Variants in MAN1C1 observed in about 807,000 individuals in gnomAD.
The protein encoded by MAN1C1 is mannosidase alpha class 1C member 1.
MAN1C1 carries 49 observed loss-of-function variants against 71.5 expected under a neutral mutation model. The ratio of observed to expected loss-of-function variants is 0.69; its 90% confidence interval spans 0.54 to 0.87. The LOEUF is 0.87. MAN1C1 is among the 40% of genes least tolerant of loss of function. The probability of loss-of-function intolerance (pLI) is 0.00; values close to 1 mark genes in which losing one functional copy is unlikely to be tolerated. For synonymous variants in MAN1C1, 352 were observed against 343.7 expected, an observed-to-expected ratio of 1.02 and a Z score of -0.27; for missense variants, 743 against 835.0, an observed-to-expected ratio of 0.89 and a Z score of 1.36.
chr1:25,781,413 AGCACCACGCAG>A (rs200524555), intron 10 of MAN1C1, among the ~76,000 whole-genome samples: 3,019 of 152,126 alleles, frequency 0.02, 40 homozygotes, highest in Non-Finnish European at 0.034. Context: ...AGCTGCCTAG[AGCACCACGCAG>A]GCACCACGCG....
chr1:25,628,985 C>T (rs1340799364), intron 1 of MAN1C1, among the ~76,000 whole-genome samples: 8 of 152,140 alleles, frequency 5.3e-5, no homozygotes, highest in Non-Finnish European at 1.5e-5. Flanking sequence ...TTTCTTTATC[C>T]ACTCGTTGGC....
intron 1 of MAN1C1, among the ~76,000 whole-genome samples, chr1:25,627,331 G>A (rs746773664): frequency 1.5e-4 from 23 of 152,096 alleles, no homozygotes; most frequent in Admixed American, 4.6e-4. Flanking sequence ...GCCCAGGCTG[G>A]AGTGCGGTGG....
intron 2 of MAN1C1, among the ~76,000 whole-genome samples, chr1:25,705,445 G>C (rs558818896): frequency 6.6e-6 from 1 of 152,358 alleles, no homozygotes; most frequent in South Asian, 2.1e-4. Context: ...TGGATGGACT[G>C]TTGTTATATA....
intron 2 of MAN1C1, among the ~76,000 whole-genome samples, chr1:25,736,233 C>T (rs1163913891): frequency 6.6e-6 from 1 of 152,164 alleles, no homozygotes; most frequent in African/African-American, 2.4e-5. Context: ...CTGACTTCCC[C>T]ATGGCTCACA....
intron 2 of MAN1C1, among the ~76,000 whole-genome samples, chr1:25,715,982 GTCCAAAAT>G (rs752186090): frequency 2.0e-5 from 3 of 152,122 alleles, no homozygotes; most frequent in Non-Finnish European, 2.9e-5. Context: ...CCACCTTACG[GTCCAAAAT>G]TGCTGCTGTG....
intron 2 of MAN1C1, among the ~76,000 whole-genome samples, chr1:25,687,472 G>A (rs1197151004): frequency 6.6e-6 from 1 of 152,194 alleles, no homozygotes; most frequent in African/African-American, 2.4e-5. Flanking sequence ...GGCTGGAGAG[G>A]GGCAGTCCCA....
chr1:25,783,816 C>A lies in MAN1C1; in HGVS notation c.*27C>A. ...CCCATCTCCTGCCGCCGCCCTGGGG[C>A]CGCCGCAGGGATGCCTTGCCTTTTC... On this transcript the variant is annotated 3_prime_UTR_variant, in exon 12 of 12. Coordinates refer to ENST00000374332, the MANE Select transcript of MAN1C1 (RefSeq NM_020379.4). The A allele has an allele frequency of 6.2e-7, 1 of 1,603,154 alleles. No homozygotes were observed. The highest frequency in any genetic ancestry group is 8.5e-7 in the Non-Finnish European group (1 of 1,177,920).
At chr1:25,670,179 C>A (rs1191283397) in intron 1 of MAN1C1, among the ~76,000 whole-genome samples, 2 of 152,338 alleles carry the variant, frequency 1.3e-5, no homozygotes, top group African/African-American at 4.8e-5. Flanking sequence ...TCACCCAAAT[C>A]CCCTTGTGGA....
chr1:25,681,894 C>A (rs538108597), intron 1 of MAN1C1, among the ~76,000 whole-genome samples: 1 of 151,754 alleles, frequency 6.6e-6, no homozygotes. Flanking sequence ...AATGATGATC[C>A]GTAGGAGCCA....
intron 1 of MAN1C1, among the ~76,000 whole-genome samples, chr1:25,643,240 TAA>T (rs1491221623): frequency 1.2e-4 from 17 of 142,336 alleles, no homozygotes; most frequent in East Asian, 1.1e-3. Flanking sequence ...TTTAATTAAT[TAA>T]TTAATTAATT....
chr1:25,661,549 A>C (rs1000269095), intron 1 of MAN1C1, among the ~76,000 whole-genome samples: 1 of 152,152 alleles, frequency 6.6e-6, no homozygotes, highest in Non-Finnish European at 1.5e-5. Flanking sequence ...AGGATCTTTC[A>C]ACCTCACACC....
chr1:25,768,815 A>C (rs1014862814), intron 7 of MAN1C1, among the ~76,000 whole-genome samples: 19 of 134,186 alleles, frequency 1.4e-4, no homozygotes, highest in Non-Finnish European at 2.9e-4. Context: ...GCTCACACAT[A>C]TCCACACTCC....
At chr1:25,672,910 C>A (rs1390659503) in intron 1 of MAN1C1, among the ~76,000 whole-genome samples, 3 of 152,044 alleles carry the variant, frequency 2.0e-5, no homozygotes, top group Admixed American at 2.0e-4. Context: ...GAGGCTCTTA[C>A]ACAGAGGAAT....
At chr1:25,767,078 G>A (rs1470762948) in intron 7 of MAN1C1, among the ~76,000 whole-genome samples, 22 of 151,854 alleles carry the variant, frequency 1.4e-4, no homozygotes, top group Non-Finnish European at 1.5e-5. Flanking sequence ...AGCTAATGCA[G>A]AACAATGTCT....
intron 1 of MAN1C1, among the ~76,000 whole-genome samples, chr1:25,641,217 T>C (rs2045533140): frequency 1.3e-5 from 2 of 152,226 alleles, no homozygotes; most frequent in Non-Finnish European, 2.9e-5. Flanking sequence ...CTTAAGAGTT[T>C]AGCTGATCCA....
chr1:25,623,439 T>C (rs1284658660), intron 1 of MAN1C1, among the ~76,000 whole-genome samples: 2 of 142,852 alleles, frequency 1.4e-5, no homozygotes, highest in African/African-American at 5.9e-5. Context: ...TATTTCACAG[T>C]ATAGTTAGTG....
intron 2 of MAN1C1, among the ~76,000 whole-genome samples, chr1:25,729,237 G>A (rs1382652065): frequency 6.6e-6 from 1 of 152,134 alleles, no homozygotes; most frequent in Admixed American, 6.5e-5. Flanking sequence ...CTACCTCAGG[G>A]CCTTTGCACA....
intron 1 of MAN1C1, among the ~76,000 whole-genome samples, chr1:25,666,520 AAG>A (rs1167375523): frequency 6.6e-6 from 1 of 152,276 alleles, no homozygotes; most frequent in East Asian, 1.9e-4. Context: ...GAAAGACAAA[AAG>A]AGCAGCTTCT....
At chr1:25,750,532 T>C (rs1420041067) in intron 4 of MAN1C1, among the ~76,000 whole-genome samples, 1 of 152,192 alleles carries the variant, frequency 6.6e-6, no homozygotes, top group Non-Finnish European at 1.5e-5. Context: ...ACTGCTGCTG[T>C]CTGGAAAGTC....
Sources: gnomAD v4.1 joint callset for allele counts (sites outside exome capture counted in the v4.1 genomes callset) on GRCh38, gnomAD v4.1.1 for gene constraint, MANE v1.5 for transcripts, NCBI Gene and HGNC (gene_info 2026-07-23, HGNC 2026-07-21) for gene names.